KMT2B: variants seen among roughly 807,000 people sequenced by gnomAD.
The protein encoded by KMT2B is lysine methyltransferase 2B.
KMT2B carries 22 observed loss-of-function variants against 255.3 expected under a neutral mutation model. That is an observed-to-expected ratio of 0.09 (90% CI 0.06 to 0.12). The LOEUF (loss-of-function observed/expected upper bound fraction) is 0.12. Among genes scored for constraint, KMT2B ranks in the 10% least tolerant of loss-of-function variants. The pLI, the probability that KMT2B is intolerant of heterozygous loss-of-function variation, is 1.00. For missense variants in KMT2B, 3,149 were observed against 3,737.0 expected, an observed-to-expected ratio of 0.84 and a Z score of 4.10; for synonymous variants, 1,730 against 1,498.1, an observed-to-expected ratio of 1.15 and a Z score of -3.57.
Position 35,725,688 on chromosome 19 carries a change from G to A in KMT2B, c.3790-35G>A. On this transcript the variant is annotated intron_variant, in intron 12 of 36. Coordinates refer to ENST00000420124, the MANE Select transcript of KMT2B (RefSeq NM_014727.3). This position sits in a 1 kb window ranked among gnomAD's most constrained non-coding sequence, Gnocchi z 4.1. ...TGAAGGTGAGGGCATCCCTGTGCCA[G>A]CAGGTTTCGCCATCTCTGTCTCCAC... The A allele has an allele frequency of 6.2e-7, 1 of 1,613,000 alleles. No homozygotes were observed. The highest frequency in any genetic ancestry group is 8.5e-7 in the Non-Finnish European group (1 of 1,179,450).
In KMT2B at chr19:35,729,017, C is replaced by A; in HGVS notation, c.4720C>A (p.His1574Asn). 1.2e-6 allele frequency: 2 copies of A among 1,614,008 alleles called. No homozygotes were observed. The highest frequency in any genetic ancestry group is 1.7e-6 in the Non-Finnish European group (2 of 1,179,894). Residue 1574 changes from histidine (H) to asparagine (N), a missense_variant, in exon 21 of 37, where the codon CAC becomes AAC. Transcript: ENST00000420124. The stretch of plus-strand genomic sequence containing the variant: ...GGGCAAGGATCCGGCTGCCTTCTCA[C>A]ACCTGGAGGACCCCCGTCAGTGTGC... ...FQGKDPAAFS[H>N]LEDPRQCALC...
Position 35,719,779 on chromosome 19 carries a change from T to C in KMT2B, c.437-5T>C, listed in dbSNP as rs1599668038. 1 of 1,579,476 alleles carries C rather than the reference T, an allele frequency of 6.3e-7. No individual in the cohort carries two copies. The highest frequency in any genetic ancestry group is 8.6e-7 in the Non-Finnish European group (1 of 1,163,920). ...TCCATCTCCCCACAACTATTCTCCT[T>C]TTAGGTCGAGCGCCCCGAGGTCGGG... On this transcript the variant is annotated splice_region_variant and splice_polypyrimidine_tract_variant and intron_variant, in intron 2 of 36. Coordinates refer to ENST00000420124, the MANE Select transcript of KMT2B (RefSeq NM_014727.3).
intron 19 of KMT2B, among the ~76,000 whole-genome samples, chr19:35,728,484 G>T (rs1969555811): frequency 3.3e-5 from 1 of 30,038 alleles, no homozygotes; most frequent in Non-Finnish European, 6.1e-5. Context: ...AATACCAGGG[G>T]GCGGTGGGGG....
rs778133872 is a variant in KMT2B at position 35,722,319 on chromosome 19, C to T, written c.2458-40C>T. 14 of 1,550,590 alleles carry T rather than the reference C, an allele frequency of 9.0e-6. No individual in the cohort carries two copies. In the African/African-American group the frequency reaches 1.8e-4, roughly 20 times the overall value. On this transcript the variant is annotated intron_variant, in intron 3 of 36. Coordinates refer to ENST00000420124, the MANE Select transcript of KMT2B (RefSeq NM_014727.3). ...CACCCAGCTCCCTGTCCCTATCTTTCCTCACTGTCCAGCCCCTGACCCTGT... is the reference window on the plus strand; with the variant it reads ...CACCCAGCTCCCTGTCCCTATCTTTTCTCACTGTCCAGCCCCTGACCCTGT...
Position 35,736,722 on chromosome 19 carries a change from T to G in KMT2B, c.7192T>G (p.Ser2398Ala). 6.2e-7 allele frequency: 1 copy of G among 1,613,868 alleles called. No homozygotes were observed. The highest frequency in any genetic ancestry group is 8.5e-7 in the Non-Finnish European group (1 of 1,179,846). ...TTCGAGCTCTGAGGAAGAGCCTCCA[T>G]CCCCAGATGATAAAGAGAACCAGGC... ...EASSSEEEPP[S>A]PDDKENQAPK... is the part of the protein sequence containing the mutation. The change falls in exon 31 of 37, where the codon TCC becomes GCC. Residue 2398 changes from serine (S) to alanine (A), a missense_variant. Ser to Ala is a moderately conservative substitution (Grantham distance 99, BLOSUM62 1). Transcript: ENST00000420124.
intron 2 of KMT2B, 92 bp downstream of exon 2, chr19:35,719,633 A>G: frequency 1.3e-6 from 2 of 1,506,168 alleles, no homozygotes; most frequent in Non-Finnish European, 1.8e-6. Flanking sequence ...AGCCTCTGTC[A>G]GTTGCCGAAT....
At chr19:35,728,046 C>G (rs1231090838) in intron 18 of KMT2B, 52 bp from the exon 19 acceptor site, 2 of 1,559,358 alleles carry the variant, frequency 1.3e-6, no homozygotes, top group Admixed American at 1.9e-5. Context: ...CCTGCCCCTG[C>G]CAGCTCTCCT....
intron 26 of KMT2B, 140 bp from the exon 27 acceptor site, chr19:35,731,768 G>A (rs1218466537): frequency 1.4e-6 from 1 of 692,894 alleles, no homozygotes; most frequent in East Asian, 2.7e-5. Context: ...GTTTAGCCTG[G>A]GTGGTCACTG....
Position 35,718,198 on chromosome 19 carries a change from G to C in KMT2B, c.180G>C (p.Glu60Asp), listed in dbSNP as rs940323919. 3.5e-5 allele frequency: 40 copies of C among 1,143,810 alleles called. 1 individual carries two copies. The Admixed American group carries it at 1.5e-3, about 44-fold the overall frequency. 70.9% of individuals were successfully genotyped at this position (1,143,810 alleles called of 1,614,324 possible). Residue 60 changes from glutamate (E) to aspartate (D), a missense_variant, in exon 1 of 37, where the codon GAG (glutamate) becomes GAC (aspartate). By Grantham distance (45) the Glu-to-Asp change is conservative. Coordinates refer to ENST00000420124, the MANE Select transcript of KMT2B (RefSeq NM_014727.3). The surrounding 1 kb of genome is among the most constrained non-coding windows in gnomAD (Gnocchi z 5.0). ...GCGCGACGGGGCCGGGCGGAGCCGA[G>C]CCCGGGGAGGACACGGCCCTGCTCC... ...GGGATGPGGAEPGEDTALLRL... is the reference protein window; with the variant it reads ...GGGATGPGGADPGEDTALLRL...
At chr19:35,719,756 C>A (rs768030353) in intron 2 of KMT2B, 28 bp from the exon 3 acceptor site, 4 of 1,552,988 alleles carry the variant, frequency 2.6e-6, no homozygotes, top group Non-Finnish European at 3.5e-6. Context: ...TGGCTTGATC[C>A]ATCTCCCCAC....
In KMT2B at chr19:35,727,181, C is replaced by G. The variant is rs1326948485; in HGVS notation, c.4029C>G (p.Arg1343=). The change falls in exon 15 of 37, where the codon CGC becomes CGG. Residue 1343 remains arginine, a synonymous_variant. Coordinates refer to ENST00000420124, the MANE Select transcript of KMT2B (RefSeq NM_014727.3). This position sits in a 1 kb window ranked among gnomAD's most constrained non-coding sequence, Gnocchi z 4.2. The part of the protein sequence containing the change: ...EKGNYCPICT[R]CYEDNDYESK... ...GAAACTACTGCCCGATCTGTACACGCTGCTATGAAGACAACGACTATGAGA... is the reference window on the plus strand; with the variant it reads ...GAAACTACTGCCCGATCTGTACACGGTGCTATGAAGACAACGACTATGAGA... 1.2e-6 allele frequency: 2 copies of G among 1,613,170 alleles called. No individual in the cohort carries two copies. Among genetic ancestry groups the G allele is most frequent in the East Asian group, 4.5e-5 (2 of 44,866 alleles).
rs1272125446 is a variant in KMT2B at position 35,718,199 on chromosome 19, C to G, written c.181C>G (p.Pro61Ala). 1.7e-6 allele frequency: 2 copies of G among 1,144,254 alleles called. No individual in the cohort carries two copies. Among genetic ancestry groups the G allele is most frequent in the African/African-American group, 1.6e-5 (1 of 60,900 alleles). 70.9% of individuals were successfully genotyped at this position (1,144,254 alleles called of 1,614,324 possible). ...CGCGACGGGGCCGGGCGGAGCCGAG[C>G]CCGGGGAGGACACGGCCCTGCTCCG... ...GGATGPGGAE[P>A]GEDTALLRLL... Residue 61 changes from proline to alanine, a missense_variant, in exon 1 of 37, where the codon CCC (proline) becomes GCC (alanine). By Grantham distance (27) the Pro-to-Ala change is conservative. Around this residue, in one of 18 missense-constraint regions of KMT2B, gnomAD observed 1,188 missense variants for 1,106.4 expected, o/e 1.07. Transcript: ENST00000420124. The surrounding 1 kb of genome is among the most constrained non-coding windows in gnomAD (Gnocchi z 5.0).
rs1166124520 is a variant in KMT2B, at chr19:35,737,382, A to T, written c.7550+119A>T. ...GGGGAGGAGACACTAGGTCACTTGA[A>T]GAGTTATTTCTAGAGTTAGCCAGGC... On this transcript the variant is annotated intron_variant, in intron 33 of 36. Transcript: ENST00000420124. This position sits in a 1 kb window ranked among gnomAD's most constrained non-coding sequence, Gnocchi z 5.3. The T allele has an allele frequency of 8.8e-7, 1 of 1,130,958 alleles. No individual in the cohort carries two copies. The highest frequency in any genetic ancestry group is 1.2e-6 in the Non-Finnish European group (1 of 824,132). 70.1% of individuals were successfully genotyped at this position (1,130,958 alleles called of 1,614,324 possible).
rs528758633 is a variant in KMT2B at position 35,737,039 on chromosome 19, C to T, written c.7373-47C>T. ...GGAGCTGGATGTCTCCCCGAGGGCA[C>T]CATGGGCCCTCCACATGACAGGTGT... On this transcript the variant is annotated intron_variant, in intron 32 of 36. Transcript: ENST00000420124. The surrounding 1 kb of genome is among the most constrained non-coding windows in gnomAD (Gnocchi z 5.3). The T allele has an allele frequency of 1.7e-4, 267 of 1,610,078 alleles. 4 individuals are homozygous for T. The South Asian group carries it at 2.9e-3, about 17-fold the overall frequency.
chr19:35,737,210 G>C lies in KMT2B; in HGVS notation c.7497G>C (p.Gln2499His). The C allele has an allele frequency of 6.3e-7, 1 of 1,586,666 alleles. No individual in the cohort carries two copies. The highest frequency in any genetic ancestry group is 8.6e-7 in the Non-Finnish European group (1 of 1,166,852). Residue 2499 changes from glutamine (Q) to histidine (H), a missense_variant, in exon 33 of 37, where the codon CAG becomes CAC. Physicochemically the swap from Gln to His is conservative, Grantham distance 24 (BLOSUM62 0). Transcript: ENST00000420124. The surrounding 1 kb of genome is among the most constrained non-coding windows in gnomAD (Gnocchi z 5.3). ...KFRYHQQGEG[Q>H]EEPPLNPHGA... ...GTTACCACCAGCAGGGAGAGGGCCA[G>C]GAGGAGCCGCCCCTGAATCCCCATG...
Position 35,721,548 on chromosome 19 carries a change from A to T in KMT2B, c.2201A>T (p.Gln734Leu). 1 of 1,611,604 alleles carries T rather than the reference A, an allele frequency of 6.2e-7. No homozygotes were observed. Among genetic ancestry groups the T allele is most frequent in the Non-Finnish European group, 8.5e-7 (1 of 1,179,856 alleles). Residue 734 changes from glutamine to leucine, a missense_variant, in exon 3 of 37, where the codon CAG (glutamine) becomes CTG (leucine). Coordinates refer to ENST00000420124, the MANE Select transcript of KMT2B (RefSeq NM_014727.3). ...APALSNGPQTQAQLLQPLQAL... is the reference protein window; with the variant it reads ...APALSNGPQTLAQLLQPLQAL... ...GCTCTGAGCAACGGGCCACAGACACAGGCTCAGCTACTGCAGCCCCTGCAG... is the reference window on the plus strand; with the variant it reads ...GCTCTGAGCAACGGGCCACAGACACTGGCTCAGCTACTGCAGCCCCTGCAG...
rs1428432678 is a variant in KMT2B at position 35,733,103 on chromosome 19, A to C, written c.6554A>C (p.Lys2185Thr). ...LSLGPAPEPP[K>T]PATSKIILVN... The stretch of plus-strand genomic sequence containing the variant: ...CTTGGCCCTGCCCCTGAGCCCCCCA[A>C]ACCCGCCACATCCAAAATCATACTT... The change falls in exon 28 of 37, where the codon AAA becomes ACA. Residue 2185 changes from lysine to threonine, a missense_variant. Coordinates refer to ENST00000420124, the MANE Select transcript of KMT2B (RefSeq NM_014727.3). The surrounding 1 kb of genome is among the most constrained non-coding windows in gnomAD (Gnocchi z 4.3). The C allele has an allele frequency of 1.3e-6, 2 of 1,566,896 alleles. No individual in the cohort carries two copies. The highest frequency in any genetic ancestry group is 3.7e-5 in the Admixed American group (2 of 53,612).
chr19:35,719,593 C>G, intron 2 of KMT2B, 52 bp downstream of exon 2: 4 of 1,542,088 alleles, frequency 2.6e-6, no homozygotes, highest in South Asian at 2.3e-5. Context: ...TTTATCCTCG[C>G]CCTTCGTGTC....
At chr19:35,734,717 G>T (rs776834691) in intron 30 of KMT2B, among the ~76,000 whole-genome samples, 22 of 152,224 alleles carry the variant, frequency 1.4e-4, no homozygotes, top group Non-Finnish European at 2.9e-4. Context: ...CGGTGGAGTG[G>T]TGGAGTTTTC....
Sources: allele counts gnomAD v4.1 joint callset (sites outside exome capture counted in the v4.1 genomes callset), GRCh38; gene constraint gnomAD v4.1.1; regional missense constraint gnomAD v4.1.1; non-coding constraint Gnocchi (gnomAD v3.1); transcripts MANE v1.5; gene names NCBI Gene and HGNC (gene_info 2026-07-23, HGNC 2026-07-21).